The following RFC3 variants were observed in gnomAD, a reference collection of about 807,000 sequenced individuals.
RFC3 encodes the protein replication factor C subunit 3, also known as A1 38 kDa subunit.
In RFC3, 41 loss-of-function variants were observed where a neutral mutation model predicts 45.1. The observed-to-expected ratio is 0.91, with a 90% CI of 0.71 to 1.18. The LOEUF is 1.18. Ranked by LOEUF, RFC3 falls within the 50% of genes most tolerant of loss-of-function variation. The pLI is 0.00. For synonymous variants in RFC3, 149 were observed against 144.0 expected (o/e 1.03, Z -0.25); for missense variants, 423 against 428.1 (o/e 0.99, Z 0.10).
chr13:33,941,484 T>C (rs2082923754), intron 8 of RFC3, among the ~76,000 whole-genome samples: 1 of 152,204 alleles, frequency 6.6e-6, no homozygotes, highest in Non-Finnish European at 1.5e-5. Flanking sequence ...GTCTGCAGCA[T>C]ATTCATTTTA....
rs115559152 is a variant in RFC3 at position 33,856,952 on chromosome 13, C to A, written c.879+21735C>A. Among the ~76,000 whole-genome samples, 1,370 of 152,214 alleles carry A rather than the reference C, an allele frequency of 9.0e-3. 13 individuals are homozygous for A. The highest frequency in any genetic ancestry group is 0.032 in the African/African-American group (1,319 of 41,508). On this transcript the variant is annotated intron_variant, in intron 8 of 8. Coordinates refer to the RFC3 transcript ENST00000434425. ...CCTCAACTCTACCCAGACAGCAAAT[C>A]CTGCCAACTAAGCCTGCAGAAAAGA...
intron 8 of RFC3, among the ~76,000 whole-genome samples, chr13:33,881,603 C>G (rs1309003468): frequency 1.3e-5 from 2 of 152,030 alleles, no homozygotes; most frequent in African/African-American, 4.8e-5. Flanking sequence ...TGTCTCCTCT[C>G]GGGGGCTATT....
chr13:33,967,461 T>C (rs959948929), downstream of RFC3, among the ~76,000 whole-genome samples: 3 of 151,324 alleles, frequency 2.0e-5, no homozygotes, highest in African/African-American at 7.3e-5. Flanking sequence ...TTGAGAAATT[T>C]TCAACTTAGT....
Position 33,830,010 on chromosome 13 carries a change from T to C in RFC3, c.566T>C (p.Ile189Thr), listed in dbSNP as rs140389927. Residue 189 changes from isoleucine to threonine, a missense_variant, in exon 5 of 9, where the codon ATT becomes ACT. By Grantham distance (89) the Ile-to-Thr change is moderately conservative. Coordinates refer to ENST00000380071, the MANE Select transcript of RFC3 (RefSeq NM_002915.4). Reference sequence around the variant, plus strand: ...GCGGTTCGTGTGCCTGCTCCCAGCATTGAAGATGTAGGTCAAGTTACACTT... The same window carrying C: ...GCGGTTCGTGTGCCTGCTCCCAGCACTGAAGATGTAGGTCAAGTTACACTT... Reference protein sequence around the residue: ...CLAVRVPAPSIEDICHVLSTV... With the variant: ...CLAVRVPAPSTEDICHVLSTV... 85 of 1,613,636 alleles carry C rather than the reference T, an allele frequency of 5.3e-5. No homozygotes were observed. In the African/African-American group the frequency reaches 1.1e-3, roughly 21 times the overall value.
chr13:33,896,852 TG>T (rs1225253702), intron 8 of RFC3, among the ~76,000 whole-genome samples: 1 of 148,952 alleles, frequency 6.7e-6, no homozygotes, highest in Non-Finnish European at 1.5e-5. Flanking sequence ...AAGTGCTGAA[TG>T]AAAAAAACCT....
intron 8 of RFC3, among the ~76,000 whole-genome samples, chr13:33,889,308 CT>C (rs1338932816): frequency 2.0e-5 from 3 of 152,084 alleles, no homozygotes; most frequent in Non-Finnish European, 4.4e-5. Context: ...AGTTTTTAAC[CT>C]TTAGTAAGAT....
At chr13:33,899,204 CAAAA>C (rs59221382) in intron 8 of RFC3, among the ~76,000 whole-genome samples, 931 of 51,964 alleles carry the variant, frequency 0.018, 5 homozygotes, top group African/African-American at 0.051. Flanking sequence ...CACAATAAGA[CAAAA>C]AAAAAAAAAA....
chr13:33,874,371 G>C (rs984764415), intron 8 of RFC3, among the ~76,000 whole-genome samples: 4 of 152,218 alleles, frequency 2.6e-5, no homozygotes, highest in Non-Finnish European at 4.4e-5. Context: ...AGGCTGGAGT[G>C]CAGTGGTGCA....
rs144820005 is a variant in RFC3, at chr13:33,828,360, G to A, written c.392-1476G>A. ...CATCTTCCTAGCTCGGCTACCCACA[G>A]TGCTGGGATTACAGGCACAAGCCAC... On this transcript the variant is annotated intron_variant, in intron 4 of 8. Transcript: ENST00000380071. 6.8e-3 allele frequency among the ~76,000 whole-genome samples: 1,041 copies of A among 152,222 alleles called. 17 individuals are homozygous for A. Among genetic ancestry groups the A allele is most frequent in the African/African-American group, 0.024 (1,006 of 41,540 alleles).
chr13:33,935,770 G>A (rs1221608051), intron 8 of RFC3, among the ~76,000 whole-genome samples: 4 of 152,168 alleles, frequency 2.6e-5, no homozygotes, highest in Admixed American at 1.3e-4. Context: ...CACAGCATTA[G>A]CATTTCACCT....
rs140333349 is a variant in RFC3, at chr13:33,822,654, G to C, written c.226-1263G>C. Among the ~76,000 whole-genome samples the C allele has an allele frequency of 3.0e-4, 45 of 152,248 alleles. No individual in the cohort carries two copies. The East Asian group carries it at 4.8e-3, about 16-fold the overall frequency. ...AGCCAGCAGTGTGTCATCATAGCTA[G>C]TTATCTATCCAGAGAAAACGAAGTT... On this transcript the variant is annotated intron_variant, in intron 2 of 8. Transcript: ENST00000380071.
intron 4 of RFC3, 54 bp downstream of exon 4, chr13:33,825,940 C>A: frequency 1.8e-6 from 2 of 1,123,512 alleles, no homozygotes; most frequent in South Asian, 1.5e-5. Flanking sequence ...AGTGCTCTCT[C>A]TTTTTTTTGA....
At chr13:33,932,554 C>T (rs565055840) in intron 8 of RFC3, among the ~76,000 whole-genome samples, 2 of 151,854 alleles carry the variant, frequency 1.3e-5, no homozygotes, top group East Asian at 3.9e-4. Flanking sequence ...TTTTTATCAG[C>T]AATATGAGAA....
At chr13:33,884,179 A>G (rs1374194162) in intron 8 of RFC3, among the ~76,000 whole-genome samples, 1 of 152,230 alleles carries the variant, frequency 6.6e-6, no homozygotes, top group Non-Finnish European at 1.5e-5. Flanking sequence ...CACTGTTTTC[A>G]AGGATACACG....
chr13:33,868,591 G>A (rs1417260765), intron 8 of RFC3, among the ~76,000 whole-genome samples: 1 of 152,178 alleles, frequency 6.6e-6, no homozygotes, highest in Non-Finnish European at 1.5e-5. Context: ...CTGGCTGTGG[G>A]CCACTCCTTC....
At chr13:33,912,885 G>A (rs1057351159) in intron 8 of RFC3, among the ~76,000 whole-genome samples, 14 of 152,000 alleles carry the variant, frequency 9.2e-5, no homozygotes, top group African/African-American at 2.4e-5. Context: ...AAGGATGGGA[G>A]TGGTAATTAG....
chr13:33,953,534 G>T (rs2083003189), intron 8 of RFC3, among the ~76,000 whole-genome samples: 1 of 151,894 alleles, frequency 6.6e-6, no homozygotes, highest in Admixed American at 6.6e-5. Flanking sequence ...AAAACTATTG[G>T]GAAAACAGTT....
chr13:33,836,715 T>A lies in RFC3; in HGVS notation c.*420T>A. On this transcript the variant is annotated 3_prime_UTR_variant, in exon 9 of 9. Transcript: ENST00000380071. The stretch of plus-strand genomic sequence containing the variant: ...GACACACCATTATATTTAATTCTAG[T>A]TTCTCTCAATGAATAATTGTATTTT... The A allele has an allele frequency of 1.0e-6, 1 of 985,204 alleles. No individual in the cohort carries two copies. The highest frequency in any genetic ancestry group is 4.7e-5 in the South Asian group (1 of 21,280). 61.0% of individuals were successfully genotyped at this position (985,204 alleles called of 1,614,324 possible). A position where few individuals can be genotyped will look rare whatever the true frequency, so the allele number is the denominator to read the frequency against.
chr13:33,828,257 T>C (rs530002061), intron 4 of RFC3, among the ~76,000 whole-genome samples: 1 of 152,318 alleles, frequency 6.6e-6, no homozygotes, highest in African/African-American at 2.4e-5. Context: ...TTGTCTCTCT[T>C]TTACCTGTTC....
Sources: allele counts gnomAD v4.1 joint callset (sites outside exome capture counted in the v4.1 genomes callset), GRCh38; gene constraint gnomAD v4.1.1; transcripts MANE v1.5; gene names NCBI Gene and HGNC (gene_info 2026-07-23, HGNC 2026-07-21).